The following RRP1B variants were observed in gnomAD, a reference collection of about 807,000 sequenced individuals.
RRP1B encodes ribosomal RNA processing protein 1 homolog B.
A neutral mutation model predicts 80.2 loss-of-function variants in RRP1B; 56 were observed. The ratio of observed to expected loss-of-function variants is 0.70; its 90% CI spans 0.56 to 0.87. The LOEUF is 0.87. RRP1B is among the 40% of genes least tolerant of loss of function. The probability of loss-of-function intolerance (pLI) is 0.00; values close to 1 mark genes in which losing one functional copy is unlikely to be tolerated. For synonymous variants in RRP1B, 351 were observed against 357.6 expected (o/e 0.98, Z 0.21); for missense variants, 807 against 939.8 (o/e 0.86, Z 1.85).
chr21:43,667,063 T>C (rs1309923545), intron 1 of RRP1B, among the ~76,000 whole-genome samples: 1 of 152,200 alleles, frequency 6.6e-6, no homozygotes, highest in African/African-American at 2.4e-5. Flanking sequence ...GACACTTACT[T>C]TTGTAAGAAT....
rs1276837493 is a variant in RRP1B, at chr21:43,659,842, C to A, written c.130+48C>A. The A allele has an allele frequency of 5.4e-6, 8 of 1,472,842 alleles. No individual in the cohort carries two copies. The highest frequency in any genetic ancestry group is 7.2e-6 in the Non-Finnish European group (8 of 1,105,382). 91.2% of individuals were successfully genotyped at this position (1,472,842 alleles called of 1,614,324 possible). A position where few individuals can be genotyped will look rare whatever the true frequency, so the allele number is the denominator to read the frequency against. On this transcript the variant is annotated intron_variant, in intron 1 of 15. Coordinates refer to ENST00000340648, the MANE Select transcript of RRP1B (RefSeq NM_015056.3). The surrounding 1 kb of genome is among the most constrained non-coding windows in gnomAD (Gnocchi z 4.2). Reference sequence around the variant, plus strand: ...CCGCGCCACATGGCGGGCCGGGGGCCGGGGCTGGGGCTAGGGCCAGGGCCC... The same window carrying A: ...CCGCGCCACATGGCGGGCCGGGGGCAGGGGCTGGGGCTAGGGCCAGGGCCC...
chr21:43,690,461 G>C (rs1328158026), intron 14 of RRP1B, 21 bp downstream of exon 14: 1 of 1,611,046 alleles, frequency 6.2e-7, no homozygotes, highest in African/African-American at 1.3e-5. Context: ...TCCCCAGAGT[G>C]GCACAGCACA....
chr21:43,670,240 T>G (rs2082994292), intron 2 of RRP1B, among the ~76,000 whole-genome samples: 1 of 152,278 alleles, frequency 6.6e-6, no homozygotes. Flanking sequence ...GGTTTTACAT[T>G]ACTTAAAGTT....
At chr21:43,663,457 A>G (rs906601740) in intron 1 of RRP1B, among the ~76,000 whole-genome samples, 5 of 152,146 alleles carry the variant, frequency 3.3e-5, no homozygotes, top group Non-Finnish European at 5.9e-5. Flanking sequence ...GTGTTTCACC[A>G]TGTTGGCCAG....
intron 1 of RRP1B, among the ~76,000 whole-genome samples, chr21:43,666,682 C>T (rs2082979344): frequency 6.7e-6 from 1 of 149,944 alleles, no homozygotes; most frequent in South Asian, 2.1e-4. Flanking sequence ...TGCACCACTG[C>T]ACTCCAGCCT....
rs535206580 is a variant in RRP1B at position 43,659,886 on chromosome 21, C to T, written c.130+92C>T. On this transcript the variant is annotated intron_variant, in intron 1 of 15. Coordinates refer to ENST00000340648, the MANE Select transcript of RRP1B (RefSeq NM_015056.3). This position sits in a 1 kb window ranked among gnomAD's most constrained non-coding sequence, Gnocchi z 4.2. ...AGGGCCCCGGCACGGAATGCGGCTTCCACGTGTTGTCGTGACACCCAGCGT... is the reference window on the plus strand; with the variant it reads ...AGGGCCCCGGCACGGAATGCGGCTTTCACGTGTTGTCGTGACACCCAGCGT... 6.9e-6 allele frequency: 9 copies of T among 1,305,002 alleles called. No homozygotes were observed. In the African/African-American group the frequency reaches 1.4e-4, roughly 20 times the overall value. The allele number at this position is 1,305,002 out of a possible 1,614,324, so 80.8% of individuals were successfully genotyped here. A position where few individuals can be genotyped will look rare whatever the true frequency, so the allele number is the denominator to read the frequency against.
At position 43,687,656 on chromosome 21, in the gene RRP1B, G is replaced by T; in HGVS notation, c.1282G>T (p.Gly428Cys). Reference sequence around the variant, plus strand: ...AGCCCCATCCCTGGAACAGAACCGGGGCAGGGAGCCCGAGGCCTCTGGGCT... The same window carrying T: ...AGCCCCATCCCTGGAACAGAACCGGTGCAGGGAGCCCGAGGCCTCTGGGCT... ...GAAPSLEQNR[G>C]REPEASGLKA... Residue 428 changes from glycine (G) to cysteine (C), a missense_variant, in exon 13 of 16, where the codon GGC becomes TGC. Transcript: ENST00000340648. The T allele has an allele frequency of 1.9e-6, 3 of 1,586,874 alleles. No individual in the cohort carries two copies. The highest frequency in any genetic ancestry group is 2.6e-6 in the Non-Finnish European group (3 of 1,164,962).
rs17004602 is a variant in RRP1B at position 43,674,827 on chromosome 21, C to T, written c.419+130C>T. On this transcript the variant is annotated intron_variant, in intron 5 of 15. Transcript: ENST00000340648. ...TCGTTACCTATAGAGAATTGAAATC[C>T]AGTAGAAGGCATAAAACAGTTAAGT... 7,998 of 1,026,904 alleles carry T rather than the reference C, an allele frequency of 7.8e-3. 445 individuals are homozygous for T. In the African/African-American group the frequency reaches 0.11, roughly 15 times the overall value. The allele number at this position is 1,026,904 out of a possible 1,614,324, so 63.6% of individuals were successfully genotyped here.
chr21:43,671,611 A>G (rs924571940), intron 2 of RRP1B, among the ~76,000 whole-genome samples: 13 of 151,750 alleles, frequency 8.6e-5, no homozygotes, highest in African/African-American at 2.9e-4. Flanking sequence ...CGAGCGATCC[A>G]CCCGCCTCGG....
intron 1 of RRP1B, among the ~76,000 whole-genome samples, chr21:43,661,772 G>C (rs575748708): frequency 1.3e-5 from 2 of 152,112 alleles, no homozygotes; most frequent in African/African-American, 4.8e-5. Context: ...CCTAAGCCCC[G>C]TGTAACTGCT....
At position 43,674,291 on chromosome 21, in the gene RRP1B, G is replaced by T. The variant is rs568309065; in HGVS notation, c.357+336G>T. Among the ~76,000 whole-genome samples, 91 of 152,226 alleles carry T rather than the reference G, an allele frequency of 6.0e-4. 2 individuals carry two copies. Among genetic ancestry groups the T allele is most frequent in the African/African-American group, 2.0e-3 (85 of 41,514 alleles). ...CATGCCTCGGCCTCCTGAGTAGCTG[G>T]GATTACAGACGCGCACCACCATGCT... On this transcript the variant is annotated intron_variant, in intron 4 of 15. Coordinates refer to ENST00000340648, the MANE Select transcript of RRP1B (RefSeq NM_015056.3).
In RRP1B at chr21:43,693,244, T is replaced by C; in HGVS notation, c.2138T>C (p.Val713Ala). 6.2e-7 allele frequency: 1 copy of C among 1,613,892 alleles called. No homozygotes were observed. Among genetic ancestry groups the C allele is most frequent in the Non-Finnish European group, 8.5e-7 (1 of 1,179,970 alleles). ...ILVSPTGPSR[V>A]AFDPEQKPLH... ...GTCAGTCCCACGGGCCCTTCTCGAG[T>C]GGCCTTCGACCCTGAACAGAAGCCC... The change falls in exon 16 of 16, where the codon GTG becomes GCG. Residue 713 changes from valine to alanine, a missense_variant. Val to Ala is a moderately conservative substitution (Grantham distance 64). Coordinates refer to ENST00000340648, the MANE Select transcript of RRP1B (RefSeq NM_015056.3). This position sits in a 1 kb window ranked among gnomAD's most constrained non-coding sequence, Gnocchi z 4.1.
At chr21:43,689,629 A>G (rs2083078356) in intron 13 of RRP1B, among the ~76,000 whole-genome samples, 1 of 152,190 alleles carries the variant, frequency 6.6e-6, no homozygotes, top group Non-Finnish European at 1.5e-5. Context: ...CCTATTGTAA[A>G]GAGGATGGGG....
chr21:43,672,506 T>A (rs948588705), intron 3 of RRP1B, 141 bp downstream of exon 3: 1 of 708,536 alleles, frequency 1.4e-6, no homozygotes, highest in Non-Finnish European at 2.5e-6. Context: ...GTCATTGACT[T>A]GGTGAGAGGG....
chr21:43,691,631 ATT>A lies in RRP1B; in HGVS notation c.2083+133_2083+134del, dbSNP rs372658379. The A allele has an allele frequency of 9.1e-4, 365 of 399,230 alleles. 1 individual carries two copies. In the African/African-American group the frequency reaches 0.011, roughly 12 times the overall value. 24.7% of individuals were successfully genotyped at this position (399,230 alleles called of 1,614,324 possible). ...CTAGCTCCTCACTGCCCATTTCTTTATTTTTATTTTTTTTTTTTTTTTGAGAC... is the reference window on the plus strand; with the variant it reads ...CTAGCTCCTCACTGCCCATTTCTTTATTTATTTTTTTTTTTTTTTTGAGAC... On this transcript the variant is annotated intron_variant, in intron 15 of 15. Transcript: ENST00000340648. The surrounding 1 kb of genome is among the most constrained non-coding windows in gnomAD (Gnocchi z 4.2).
At chr21:43,670,042 C>A in intron 2 of RRP1B, 76 bp downstream of exon 2, 2 of 1,059,996 alleles carry the variant, frequency 1.9e-6, no homozygotes, top group Admixed American at 2.1e-5. Flanking sequence ...TCATGCTGTG[C>A]CAGTCCCCCG....
Position 43,687,994 on chromosome 21 carries a change from G to A in RRP1B, c.1620G>A (p.Pro540=), listed in dbSNP as rs61733779. Residue 540 remains proline (P), a synonymous_variant, in exon 13 of 16, where the codon CCG becomes CCA. Coordinates refer to ENST00000340648, the MANE Select transcript of RRP1B (RefSeq NM_015056.3). The stretch of plus-strand genomic sequence containing the variant: ...TCAATGGCAGTGGCCTGTCCACGCC[G>A]GCCTGGCCTCCATTGCAGCAGGAAG... ...VPVNGSGLST[P]AWPPLQQEGP... is the part of the protein sequence containing the mutation. The A allele has an allele frequency of 6.2e-3, 10,074 of 1,612,738 alleles. 557 individuals are homozygous for A. The African/African-American group carries it at 0.12, about 19-fold the overall frequency.
At chr21:43,684,362 C>T (rs1207815230) in intron 9 of RRP1B, among the ~76,000 whole-genome samples, 191 bp from the exon 10 acceptor site, 6 of 152,122 alleles carry the variant, frequency 3.9e-5, no homozygotes, top group African/African-American at 1.2e-4. Context: ...TGAGCCACCG[C>T]GCCCGGCCTG....
rs2147172521 is a variant in RRP1B at position 43,683,380 on chromosome 21, A to G, written c.891+7A>G. 1.9e-6 allele frequency: 3 copies of G among 1,609,868 alleles called. No individual in the cohort carries two copies. Among genetic ancestry groups the G allele is most frequent in the Non-Finnish European group, 2.6e-6 (3 of 1,176,184 alleles). On this transcript the variant is annotated splice_region_variant and intron_variant, in intron 9 of 15. Transcript: ENST00000340648. ...CACAGGGCCCCTTCTCCAGGTGGGT[A>G]GCAGTTGTTGCTTTTTATAGAATAT...
Sources: gnomAD v4.1 joint callset for allele counts (sites outside exome capture counted in the v4.1 genomes callset) on GRCh38, gnomAD v4.1.1 for gene constraint, Gnocchi (gnomAD v3.1) non-coding constraint, MANE v1.5 for transcripts, NCBI Gene and HGNC (gene_info 2026-07-23, HGNC 2026-07-21) for gene names.